SEPTIN6: variants seen among roughly 807,000 people sequenced by gnomAD.
SEPTIN6 encodes the protein septin-6.
In SEPTIN6, 8 loss-of-function variants were observed where a neutral mutation model predicts 33.6. The observed-to-expected ratio is 0.24, with a 90% CI of 0.14 to 0.43. The LOEUF is 0.43. Ranked by LOEUF, SEPTIN6 falls within the 20% of genes least tolerant of loss-of-function variation. SEPTIN6 has a pLI of 1.00. For synonymous variants in SEPTIN6, 131 were observed against 140.0 expected (o/e 0.94, Z 0.45); for missense variants, 250 against 340.8 (o/e 0.73, Z 2.10).
intron 1 of SEPTIN6, among the ~76,000 whole-genome samples, chrX:119,681,556 T>C (rs1381102697): frequency 9.8e-6 from 1 of 102,433 alleles, no homozygotes; most frequent in Non-Finnish European, 1.9e-5. Context: ...GCACAGTTTA[T>C]AATGCTGAAA....
At chrX:119,635,205 C>T in intron 7 of SEPTIN6, 1 of 313,092 alleles carries the variant, frequency 3.2e-6, no homozygotes, top group Non-Finnish European at 6.3e-6. Flanking sequence ...ATGTTGGAGA[C>T]ACATGCTTAA....
intron 2 of SEPTIN6, among the ~76,000 whole-genome samples, chrX:119,665,805 G>C (rs756986473): frequency 9.0e-6 from 1 of 111,287 alleles, no homozygotes; most frequent in East Asian, 2.8e-4. Flanking sequence ...GAGAGGGCCA[G>C]GCGCGGTGGC....
At chrX:119,653,957 T>C (rs2054392309) in intron 3 of SEPTIN6, among the ~76,000 whole-genome samples, 1 of 111,036 alleles carries the variant, frequency 9.0e-6, no homozygotes, top group Admixed American at 9.6e-5. Flanking sequence ...TAATCCCAGC[T>C]ACTCAGGAGG....
chrX:119,635,397 AAG>A (rs1019180024), intron 7 of SEPTIN6, among the ~76,000 whole-genome samples: 4 of 111,161 alleles, frequency 3.6e-5, no homozygotes. Flanking sequence ...ACCAGCTGCA[AAG>A]AGAACAGAAA....
chrX:119,684,490 T>G (rs947330275), intron 1 of SEPTIN6, among the ~76,000 whole-genome samples: 14 of 99,155 alleles, frequency 1.4e-4, no homozygotes, highest in African/African-American at 4.8e-4. Flanking sequence ...AGGTTTTTTT[T>G]TTTTTTTTTT....
chrX:119,647,210 G>A lies in SEPTIN6; in HGVS notation c.690+2727C>T, dbSNP rs750423652. On this transcript the variant is annotated intron_variant, in intron 5 of 10. Coordinates refer to ENST00000394610, the MANE Select transcript of SEPTIN6 (RefSeq NM_145799.4). ...ATTGCATCACTGTACTCCAGCCTGG[G>A]CGACAGAGTGAGAGCCTGTCTCAAA... is the stretch of plus-strand genomic sequence containing the variant. Among the ~76,000 whole-genome samples, 7 of 109,447 alleles carry A rather than the reference G, an allele frequency of 6.4e-5. No homozygotes were observed. In the East Asian group the frequency reaches 2.0e-3, roughly 31 times the overall value.
intron 3 of SEPTIN6, among the ~76,000 whole-genome samples, chrX:119,655,499 A>G (rs2054426358): frequency 9.0e-6 from 1 of 110,845 alleles, no homozygotes. Flanking sequence ...TCCTTCCTCT[A>G]AGTGACACCT....
rs765443206 is a variant in SEPTIN6 at position 119,676,412 on chromosome X, C to T, written c.31-744G>A. ...CCGGGAGGTGTAGGCTGCAGTGAGCCGAGATCACGCCACTGCACTACAGCC... is the reference window on the plus strand; with the variant it reads ...CCGGGAGGTGTAGGCTGCAGTGAGCTGAGATCACGCCACTGCACTACAGCC... On this transcript the variant is annotated intron_variant, in intron 1 of 10. Coordinates refer to ENST00000394610, the MANE Select transcript of SEPTIN6 (RefSeq NM_145799.4). Among the ~76,000 whole-genome samples the T allele has an allele frequency of 2.9e-5, 3 of 104,858 alleles. No individual in the cohort carries two copies. In the Admixed American group the frequency reaches 3.1e-4, roughly 11 times the overall value. 91.1% of individuals were successfully genotyped at this position (104,858 alleles called of 115,157 possible).
At chrX:119,623,805 C>T (rs1209012705) in intron 10 of SEPTIN6, among the ~76,000 whole-genome samples, 4 of 112,113 alleles carry the variant, frequency 3.6e-5, no homozygotes, top group East Asian at 2.8e-4. Flanking sequence ...TGCCACTGCA[C>T]TCCAGCCTCG....
intron 5 of SEPTIN6, among the ~76,000 whole-genome samples, chrX:119,648,011 C>T (rs184572625): frequency 1.8e-3 from 186 of 105,122 alleles, no homozygotes; most frequent in Non-Finnish European, 3.0e-3. Flanking sequence ...TGTTCAGCCT[C>T]GAATTTTGTT....
At chrX:119,677,860 C>T (rs1046920447) in intron 1 of SEPTIN6, among the ~76,000 whole-genome samples, 9 of 112,647 alleles carry the variant, frequency 8.0e-5, no homozygotes, top group Non-Finnish European at 7.5e-5. Flanking sequence ...CACACCCTCC[C>T]AGTGGAGAAC....
At chrX:119,689,602 C>T (rs2055123283) in intron 1 of SEPTIN6, among the ~76,000 whole-genome samples, 1 of 111,604 alleles carries the variant, frequency 9.0e-6, no homozygotes. Flanking sequence ...TCAGCCTCCA[C>T]AGTAGCTGGG....
At chrX:119,616,269 A>G (rs188557585), downstream of SEPTIN6, 71 of 293,621 alleles carry the variant, frequency 2.4e-4, no homozygotes, top group African/African-American at 1.7e-3. Flanking sequence ...TCTCTTGCAT[A>G]TTCAGAAATG....
intron 3 of SEPTIN6, among the ~76,000 whole-genome samples, chrX:119,653,921 T>C (rs1378449916): frequency 1.8e-5 from 2 of 109,895 alleles, no homozygotes; most frequent in East Asian, 5.7e-4. Context: ...ATACAAAAAT[T>C]AGCCAGCTGT....
intron 1 of SEPTIN6, among the ~76,000 whole-genome samples, chrX:119,690,362 C>T (rs1375033460): frequency 9.2e-6 from 1 of 108,230 alleles, no homozygotes; most frequent in African/African-American, 3.4e-5. Flanking sequence ...CACACACACA[C>T]ACACACACAC....
At chrX:119,616,008 C>T (rs2053661162), downstream of SEPTIN6, 1 of 173,491 alleles carries the variant, frequency 5.8e-6, no homozygotes, top group Admixed American at 7.2e-5. Flanking sequence ...TATTTTGATG[C>T]AAGTTAAACC....
intron 9 of SEPTIN6, 70 bp downstream of exon 9, chrX:119,629,248 C>T (rs1388258231): frequency 9.3e-7 from 1 of 1,075,573 alleles, no homozygotes; most frequent in Non-Finnish European, 1.3e-6. Flanking sequence ...CCTTCAGGTG[C>T]CACGTCCTGC....
intron 1 of SEPTIN6, among the ~76,000 whole-genome samples, chrX:119,692,722 C>A (rs777280753): frequency 2.7e-5 from 3 of 112,858 alleles, no homozygotes; most frequent in African/African-American, 9.6e-5. Flanking sequence ...GCCAGGGACC[C>A]GGAGGGCTCG....
At chrX:119,679,236 C>A (rs1306895342) in intron 1 of SEPTIN6, among the ~76,000 whole-genome samples, 1 of 111,913 alleles carries the variant, frequency 8.9e-6, no homozygotes, top group Non-Finnish European at 1.9e-5. Context: ...GCCACCATGC[C>A]TGGCCCAAAA....
Sources: gnomAD v4.1 joint callset for allele counts (sites outside exome capture counted in the v4.1 genomes callset) on GRCh38, gnomAD v4.1.1 for gene constraint, MANE v1.5 for transcripts, NCBI Gene and HGNC (gene_info 2026-07-23, HGNC 2026-07-21) for gene names.